SLC12A6: variants seen among roughly 807,000 people sequenced by gnomAD.
The protein encoded by SLC12A6 is solute carrier family 12 member 6.
In SLC12A6, 66 loss-of-function variants were observed where a neutral mutation model predicts 135.3. The ratio of observed to expected loss-of-function variants is 0.49; its 90% CI spans 0.40 to 0.60. SLC12A6 has a LOEUF of 0.60. Ranked by LOEUF, SLC12A6 falls within the 20% of genes least tolerant of loss-of-function variation. SLC12A6 has a pLI of 0.00. For missense variants in SLC12A6, 1,058 were observed against 1,452.3 expected, an observed-to-expected ratio of 0.73 and a Z score of 4.41; for synonymous variants, 513 against 508.8, an observed-to-expected ratio of 1.01 and a Z score of -0.11.
chr15:34,331,188 T>C (rs796666522), intron 2 of SLC12A6, among the ~76,000 whole-genome samples: 5 of 152,348 alleles, frequency 3.3e-5, no homozygotes, highest in African/African-American at 1.2e-4. Context: ...TATTTATTTA[T>C]TTGAGACAGA....
At chr15:34,336,320 A>G in intron 2 of SLC12A6, 90 bp downstream of exon 2, 1 of 1,019,672 alleles carries the variant, frequency 9.8e-7, no homozygotes. Context: ...AATCATAATT[A>G]TATGATTATG....
Position 34,236,718 on chromosome 15 carries a change from C to T in SLC12A6, c.3032G>A (p.Arg1011Gln), listed in dbSNP as rs752363882. 8.9e-6 allele frequency: 14 copies of T among 1,576,844 alleles called. No individual in the cohort carries two copies. Among genetic ancestry groups the T allele is most frequent in the Admixed American group, 1.7e-5 (1 of 59,970 alleles). The change falls in exon 23 of 26, where the codon CGA (arginine) becomes CAA (glutamine). Residue 1011 changes from arginine (R) to glutamine (Q), a missense_variant. Physicochemically the swap from Arg to Gln is conservative, Grantham distance 43. This residue lies in a region of SLC12A6 where 245 missense variants were observed against 440.8 expected (regional missense o/e 0.56). Coordinates refer to ENST00000354181, the MANE Select transcript of SLC12A6 (RefSeq NM_001365088.1). ...LRHMRLSKTERDREAQLVKDR... is the reference protein window; with the variant it reads ...LRHMRLSKTEQDREAQLVKDR... ...GCAGTAATGTCTCACCTCTCTGTCT[C>T]GCTCTGTTTTGGATAGCCGCATGTG...
At chr15:34,327,584 TGAGGCG>T (rs1889556143) in intron 2 of SLC12A6, among the ~76,000 whole-genome samples, 1 of 151,606 alleles carries the variant, frequency 6.6e-6, no homozygotes. Flanking sequence ...CTTGAACCTG[TGAGGCG>T]GAGGCTGCAG....
At chr15:34,314,235 C>T (rs6495657) in intron 2 of SLC12A6, among the ~76,000 whole-genome samples, 6,115 of 151,930 alleles carry the variant, frequency 0.04, 219 homozygotes, top group African/African-American at 0.099. Flanking sequence ...TTAGTAGAGA[C>T]GGGGTTTCGT....
chr15:34,285,717 T>TGTA (rs144158165), intron 2 of SLC12A6, among the ~76,000 whole-genome samples: 1 of 131,108 alleles, frequency 7.6e-6, no homozygotes, highest in African/African-American at 3.0e-5. Flanking sequence ...TGTGTGTTTG[T>TGTA]CATACATAAA....
chr15:34,336,686 T>TC lies in SLC12A6; in HGVS notation c.-7dup. 1 of 1,613,962 alleles carries TC rather than the reference T, an allele frequency of 6.2e-7. No individual in the cohort carries two copies. The highest frequency in any genetic ancestry group is 8.5e-7 in the Non-Finnish European group (1 of 1,179,832). On this transcript the variant is annotated 5_prime_UTR_variant, in exon 2 of 26. Transcript: ENST00000354181. The stretch of plus-strand genomic sequence containing the variant: ...GTGGTTTCTGGAGGATGCATTTTGT[T>TC]CTTTTTAAGAACAAAAAAAGTGGGG...
At chr15:34,254,715 G>T (rs1892630059) in intron 8 of SLC12A6, 126 bp from the exon 9 acceptor site, 6 of 739,564 alleles carry the variant, frequency 8.1e-6, no homozygotes, top group Middle Eastern at 3.8e-4. Flanking sequence ...TGGGGAATTA[G>T]CCTAGTTTCT....
intron 2 of SLC12A6, among the ~76,000 whole-genome samples, chr15:34,302,094 T>C (rs748050073): frequency 6.6e-6 from 1 of 152,220 alleles, no homozygotes; most frequent in African/African-American, 2.4e-5. Flanking sequence ...GTGATGAAGA[T>C]AGTTATACTT....
intron 2 of SLC12A6, among the ~76,000 whole-genome samples, chr15:34,325,098 ACT>A (rs1889376841): frequency 6.6e-6 from 1 of 152,128 alleles, no homozygotes; most frequent in African/African-American, 2.4e-5. Context: ...CTCGTACTAC[ACT>A]CTGAATAGTT....
intron 3 of SLC12A6, among the ~76,000 whole-genome samples, chr15:34,262,830 C>G (rs1595456534): frequency 6.6e-6 from 1 of 152,194 alleles, no homozygotes; most frequent in African/African-American, 2.4e-5. Flanking sequence ...TCCCTCACCC[C>G]CTCCCACCAG....
chr15:34,249,624 G>GT (rs1305136870), intron 13 of SLC12A6, among the ~76,000 whole-genome samples: 1 of 152,060 alleles, frequency 6.6e-6, no homozygotes, highest in Non-Finnish European at 1.5e-5. Context: ...TATGAAGAAA[G>GT]TAAGTTTCAG....
chr15:34,236,819 C>T lies in SLC12A6; in HGVS notation c.2935-4G>A, dbSNP rs777153020. 6.4e-7 allele frequency: 1 copy of T among 1,554,508 alleles called. No homozygotes were observed. Among genetic ancestry groups the T allele is most frequent in the Non-Finnish European group, 8.9e-7 (1 of 1,125,622 alleles). On this transcript the variant is annotated splice_polypyrimidine_tract_variant and splice_region_variant and intron_variant, in intron 22 of 25. Coordinates refer to ENST00000354181, the MANE Select transcript of SLC12A6 (RefSeq NM_001365088.1). ...ATGCTGATATATCACTGTCATGCTGCCATAGACATCACATAAAAGGGGCAA... is the reference window on the plus strand; with the variant it reads ...ATGCTGATATATCACTGTCATGCTGTCATAGACATCACATAAAAGGGGCAA...
At chr15:34,302,396 T>G (rs1306374690) in intron 2 of SLC12A6, among the ~76,000 whole-genome samples, 1 of 152,036 alleles carries the variant, frequency 6.6e-6, no homozygotes, top group Non-Finnish European at 1.5e-5. Context: ...AAATTATGTA[T>G]AAAGAAGATT....
chr15:34,311,109 T>C (rs908847633), intron 2 of SLC12A6, among the ~76,000 whole-genome samples: 2 of 152,144 alleles, frequency 1.3e-5, no homozygotes, highest in Non-Finnish European at 2.9e-5. Context: ...TACAGGTTCC[T>C]CTCTCTATTG....
chr15:34,287,656 T>C (rs1895193592), intron 2 of SLC12A6, among the ~76,000 whole-genome samples: 1 of 152,210 alleles, frequency 6.6e-6, no homozygotes, highest in South Asian at 2.1e-4. Context: ...CCTGACTTTT[T>C]AATGGTTGCC....
At chr15:34,284,785 A>T (rs1401840505) in intron 2 of SLC12A6, among the ~76,000 whole-genome samples, 2 of 152,210 alleles carry the variant, frequency 1.3e-5, no homozygotes, top group Non-Finnish European at 2.9e-5. Context: ...GAGTAAAAGA[A>T]TACAGAGGAC....
chr15:34,247,516 AG>A, intron 13 of SLC12A6, among the ~76,000 whole-genome samples: 1 of 151,696 alleles, frequency 6.6e-6, no homozygotes, highest in South Asian at 2.1e-4. Context: ...GACTCCATCT[AG>A]GGGAAAAAAA....
At chr15:34,248,934 G>T (rs747390665) in intron 13 of SLC12A6, among the ~76,000 whole-genome samples, 1 of 152,084 alleles carries the variant, frequency 6.6e-6, no homozygotes, top group East Asian at 1.9e-4. Context: ...GTGTTTATAC[G>T]TGGAGACATA....
chr15:34,318,499 CCT>C, intron 2 of SLC12A6: 1 of 1,301,898 alleles, frequency 7.7e-7, no homozygotes, highest in Admixed American at 1.7e-5. Context: ...ATTTTGATAT[CCT>C]AGTTACTTCT....
Sources: allele counts gnomAD v4.1 joint callset (sites outside exome capture counted in the v4.1 genomes callset), GRCh38; gene constraint gnomAD v4.1.1; regional missense constraint gnomAD v4.1.1; transcripts MANE v1.5; gene names NCBI Gene and HGNC (gene_info 2026-07-23, HGNC 2026-07-21).